Variants in ANAPC11 observed in about 807,000 individuals in gnomAD.
ANAPC11 encodes the protein anaphase promoting complex subunit 11.
A neutral mutation model predicts 11.8 loss-of-function variants in ANAPC11; 5 were observed. The ratio of observed to expected loss-of-function variants is 0.42; its 90% CI spans 0.22 to 0.89. The LOEUF (loss-of-function observed/expected upper bound fraction) is 0.89, where lower values mean the gene tolerates loss of function less well. Ranked by LOEUF, ANAPC11 falls within the 40% of genes least tolerant of loss-of-function variation. The pLI, the probability that ANAPC11 is intolerant of heterozygous loss-of-function variation, is 0.28. For missense variants in ANAPC11, 68 were observed against 112.9 expected, an observed-to-expected ratio of 0.60 and a Z score of 1.80; for synonymous variants, 45 against 41.0, an observed-to-expected ratio of 1.10 and a Z score of -0.38.
intron 3 of ANAPC11, chr17:81,899,180 G>A: frequency 6.6e-7 from 1 of 1,522,028 alleles, no homozygotes; most frequent in Admixed American, 1.8e-5. Flanking sequence ...CCAGGCTCTT[G>A]GAGATCAGGG....
chr17:81,896,113 G>T (rs774443681), intron 3 of ANAPC11, among the ~76,000 whole-genome samples: 1 of 152,056 alleles, frequency 6.6e-6, no homozygotes, highest in South Asian at 2.1e-4. Context: ...GCAAAACCCC[G>T]ACTCTACTAA....
chr17:81,891,124 C>T (rs1052025445), upstream of ANAPC11: 6 of 625,150 alleles, frequency 9.6e-6, no homozygotes, highest in Non-Finnish European at 4.9e-6. Flanking sequence ...GGGTCTCAGC[C>T]TCCGGGACCG....
upstream of ANAPC11, chr17:81,891,257 G>A (rs1051479645): frequency 5.6e-6 from 6 of 1,069,622 alleles, no homozygotes; most frequent in Non-Finnish European, 6.8e-6. Context: ...TCCGCCGCGA[G>A]CGGCCCCGGC....
At chr17:81,890,975 G>C (rs969968036), upstream of ANAPC11, 2 of 1,143,894 alleles carry the variant, frequency 1.7e-6, no homozygotes, top group Non-Finnish European at 2.4e-6. Flanking sequence ...AGCTGCCCCA[G>C]CCCGAGGCCG....
intron 3 of ANAPC11, chr17:81,898,569 A>G (rs560635622): frequency 1.1e-4 from 17 of 152,502 alleles, no homozygotes; most frequent in Admixed American, 5.9e-4. Flanking sequence ...GACGAGTCCA[A>G]TGTGCTTCCA....
upstream of ANAPC11, chr17:81,891,106 G>A (rs1345832959): frequency 4.6e-6 from 3 of 654,930 alleles, no homozygotes; most frequent in Middle Eastern, 4.5e-4. Flanking sequence ...CAAACAAAGA[G>A]CTGGGAAGGG....
chr17:81,896,129 C>T (rs2039733570), intron 3 of ANAPC11, among the ~76,000 whole-genome samples: 1 of 151,454 alleles, frequency 6.6e-6, no homozygotes, highest in East Asian at 2.0e-4. Context: ...ACTAAAAATC[C>T]AAAAAAATTA....
At chr17:81,895,332 C>G (rs1401911351) in intron 3 of ANAPC11, among the ~76,000 whole-genome samples, 1 of 151,908 alleles carries the variant, frequency 6.6e-6, no homozygotes, top group Non-Finnish European at 1.5e-5. Context: ...ATTACAGGCG[C>G]GAACCACCGT....
intron 3 of ANAPC11, chr17:81,899,587 A>G: frequency 6.3e-6 from 10 of 1,581,388 alleles, no homozygotes; most frequent in Non-Finnish European, 8.6e-6. Context: ...CAGGGGACAC[A>G]GGGTGGGCTA....
chr17:81,891,019 C>T (rs1041536391), upstream of ANAPC11: 5 of 812,692 alleles, frequency 6.2e-6, no homozygotes, highest in South Asian at 1.8e-5. Flanking sequence ...ACTTCAGTTC[C>T]CTTAGACTAA....
At chr17:81,895,118 G>A (rs1449301076) in intron 3 of ANAPC11, among the ~76,000 whole-genome samples, 36 of 141,432 alleles carry the variant, frequency 2.5e-4, no homozygotes, top group Non-Finnish European at 1.8e-4. Flanking sequence ...GCAATGGCGC[G>A]ATCTCGGCTC....
intron 3 of ANAPC11, among the ~76,000 whole-genome samples, chr17:81,897,231 C>G (rs1456862718): frequency 2.0e-5 from 3 of 151,966 alleles, no homozygotes; most frequent in Admixed American, 2.0e-4. Context: ...GATCTCTTGA[C>G]CTCGTGATCC....
upstream of ANAPC11, chr17:81,891,403 C>A: frequency 9.4e-7 from 1 of 1,066,692 alleles, no homozygotes; most frequent in Non-Finnish European, 1.1e-6. Flanking sequence ...CGGATGGGCC[C>A]GCCGCCTCGA....
intron 3 of ANAPC11, among the ~76,000 whole-genome samples, chr17:81,896,452 G>C (rs539369201): frequency 6.6e-6 from 1 of 152,248 alleles, no homozygotes; most frequent in East Asian, 1.9e-4. Flanking sequence ...GGAAATGTTT[G>C]ATTATGTTTA....
downstream of ANAPC11, chr17:81,900,408 C>T (rs374822528): frequency 7.2e-4 from 257 of 359,314 alleles, 2 homozygotes; most frequent in South Asian, 3.7e-3. Flanking sequence ...CAGGATCAGA[C>T]GGTAGAGCCT....
At position 81,893,570 on chromosome 17, in the gene ANAPC11, T is replaced by C. The variant is rs556365611; in HGVS notation, c.-56T>C. 1 of 152,090 alleles carries C rather than the reference T, an allele frequency of 6.6e-6. No homozygotes were observed. The highest frequency in any genetic ancestry group is 1.5e-5 in the Non-Finnish European group (1 of 68,034). 9.4% of individuals were successfully genotyped at this position (152,090 alleles called of 1,614,324 possible). A position where few individuals can be genotyped will look rare whatever the true frequency, so the allele number is the denominator to read the frequency against. On this transcript the variant is annotated 5_prime_UTR_variant, in exon 2 of 4. Coordinates refer to ENST00000344877, the MANE Select transcript of ANAPC11 (RefSeq NM_001002248.3). The stretch of plus-strand genomic sequence containing the variant: ...TTTGTAGAGACGGAGTTTCGTCATG[T>C]TGGCCAGGCCCATTTGAGATCTTTG...
intron 3 of ANAPC11, among the ~76,000 whole-genome samples, chr17:81,897,428 C>A (rs958218087): frequency 6.6e-6 from 1 of 152,136 alleles, no homozygotes; most frequent in Non-Finnish European, 1.5e-5. Context: ...GCCACTGCAC[C>A]CGCCCCTGTC....
upstream of ANAPC11, chr17:81,891,561 G>C (rs2039530554): frequency 7.0e-7 from 1 of 1,438,568 alleles, no homozygotes; most frequent in African/African-American, 1.5e-5. Flanking sequence ...GTCGGCCATG[G>C]CGGGCGCGGA....
intron 3 of ANAPC11, 170 bp from the exon 4 acceptor site, chr17:81,899,749 TG>T: frequency 1.1e-6 from 1 of 951,584 alleles, no homozygotes; most frequent in Non-Finnish European, 1.5e-6. Flanking sequence ...GGGGGCGGGC[TG>T]GTCAGGAGAC....
Sources: gnomAD v4.1 joint callset for allele counts (sites outside exome capture counted in the v4.1 genomes callset) on GRCh38, gnomAD v4.1.1 for gene constraint, MANE v1.5 for transcripts, NCBI Gene and HGNC (gene_info 2026-07-23, HGNC 2026-07-21) for gene names.